The following WWOX variants were observed in gnomAD, a reference collection of about 807,000 sequenced individuals.
The protein encoded by WWOX is WW domain containing oxidoreductase.
A neutral mutation model predicts 46.2 loss-of-function variants in WWOX; 69 were observed. That is an observed-to-expected ratio of 1.49 (90% CI 1.23 to 1.82). WWOX has a LOEUF of 1.82. Among genes scored for constraint, WWOX ranks in the 40% most tolerant of loss-of-function variants. The probability of loss-of-function intolerance (pLI) is 0.00; values close to 1 mark genes in which losing one functional copy is unlikely to be tolerated. For missense variants in WWOX, 919 were observed against 542.6 expected, an observed-to-expected ratio of 1.69 and a Z score of -6.89; for synonymous variants, 359 against 202.6, an observed-to-expected ratio of 1.77 and a Z score of -6.56.
At chr16:78,386,613 A>G (rs1246237740) in intron 5 of WWOX, among the ~76,000 whole-genome samples, 3 of 151,076 alleles carry the variant, frequency 2.0e-5, no homozygotes, top group Non-Finnish European at 4.4e-5. Flanking sequence ...GCTGAAACAC[A>G]GCACAACCCA....
intron 8 of WWOX, among the ~76,000 whole-genome samples, chr16:78,953,687 G>A (rs2151304684): frequency 6.6e-6 from 1 of 152,278 alleles, no homozygotes; most frequent in Non-Finnish European, 1.5e-5. Flanking sequence ...TCGGTAGGCA[G>A]TGACAGAAGA....
rs548033030 is a variant in WWOX, at chr16:78,675,876, G to T, written c.1056+243124G>T. Among the ~76,000 whole-genome samples, 479 of 151,988 alleles carry T rather than the reference G, an allele frequency of 3.2e-3. 2 individuals carry two copies. Among genetic ancestry groups the T allele is most frequent in the African/African-American group, 0.011 (448 of 41,452 alleles). On this transcript the variant is annotated intron_variant, in intron 8 of 8. Coordinates refer to ENST00000566780, the MANE Select transcript of WWOX (RefSeq NM_016373.4). ...CATGACTTTTCTGATCATACCTGTG[G>T]CATACTCATTATAGAAAATTTGGAA...
At chr16:78,855,208 G>C (rs996737067) in intron 8 of WWOX, among the ~76,000 whole-genome samples, 11 of 152,072 alleles carry the variant, frequency 7.2e-5, no homozygotes, top group Non-Finnish European at 1.0e-4. Flanking sequence ...ATTAATACAG[G>C]TTTGACCTAC....
chr16:78,961,477 A>G (rs937337575), intron 8 of WWOX, among the ~76,000 whole-genome samples: 4 of 151,816 alleles, frequency 2.6e-5, no homozygotes, highest in Non-Finnish European at 4.4e-5. Flanking sequence ...GGATGGATGG[A>G]TGGATAGGTA....
At chr16:78,773,854 G>A (rs1052538885) in intron 8 of WWOX, among the ~76,000 whole-genome samples, 2 of 152,162 alleles carry the variant, frequency 1.3e-5, no homozygotes, top group African/African-American at 4.8e-5. Flanking sequence ...AACGATTATT[G>A]TATTTAACTT....
At chr16:78,971,884 C>T (rs1432016718) in intron 8 of WWOX, among the ~76,000 whole-genome samples, 1 of 152,134 alleles carries the variant, frequency 6.6e-6, no homozygotes, top group Non-Finnish European at 1.5e-5. Context: ...TCCTCATCAG[C>T]AGAATCGGGA....
Position 78,166,544 on chromosome 16 carries a change from T to C in WWOX, c.516+2255T>C, listed in dbSNP as rs181017315. Among the ~76,000 whole-genome samples the C allele has an allele frequency of 1.2e-3, 184 of 151,742 alleles. 2 individuals carry two copies. The East Asian group carries it at 0.02, about 16-fold the overall frequency. The stretch of plus-strand genomic sequence containing the variant: ...ACAGTTCCCGAGTCATTTTCTTTTT[T>C]CTTTTTTTTCTTTTTCTTTTTTATT... On this transcript the variant is annotated intron_variant, in intron 5 of 8. Coordinates refer to ENST00000566780, the MANE Select transcript of WWOX (RefSeq NM_016373.4).
At chr16:78,304,414 G>A (rs2080096224) in intron 5 of WWOX, among the ~76,000 whole-genome samples, 1 of 152,192 alleles carries the variant, frequency 6.6e-6, no homozygotes, top group African/African-American at 2.4e-5. Context: ...GTTGCCTTCT[G>A]CAGAGGCTTC....
chr16:78,839,198 A>G (rs908755879), intron 8 of WWOX, among the ~76,000 whole-genome samples: 1 of 152,156 alleles, frequency 6.6e-6, no homozygotes, highest in Admixed American at 6.5e-5. Context: ...GTAAATTCAA[A>G]TCACCCACGA....
chr16:78,774,675 C>A (rs1248786532), intron 8 of WWOX, among the ~76,000 whole-genome samples: 1 of 151,934 alleles, frequency 6.6e-6, no homozygotes, highest in African/African-American at 2.4e-5. Context: ...CCTTGAAAGA[C>A]TCATTGTCTG....
At chr16:78,524,758 A>G (rs1337782178) in intron 8 of WWOX, among the ~76,000 whole-genome samples, 2 of 150,078 alleles carry the variant, frequency 1.3e-5, no homozygotes, top group Non-Finnish European at 3.0e-5. Context: ...TAGCATTGTG[A>G]TAAATAATAT....
chr16:78,384,995 GT>G, intron 5 of WWOX, among the ~76,000 whole-genome samples: 1 of 152,254 alleles, frequency 6.6e-6, no homozygotes, highest in East Asian at 1.9e-4. Context: ...TAAGCTGGGT[GT>G]GTTGGCACGC....
chr16:79,024,546 G>C (rs551389253), intron 8 of WWOX, among the ~76,000 whole-genome samples: 5 of 152,040 alleles, frequency 3.3e-5, no homozygotes, highest in African/African-American at 1.2e-4. Context: ...CCATTCTCCT[G>C]CCTCAGCCTC....
At chr16:78,414,319 A>G (rs1386758757) in intron 6 of WWOX, among the ~76,000 whole-genome samples, 1 of 152,170 alleles carries the variant, frequency 6.6e-6, no homozygotes, top group African/African-American at 2.4e-5. Context: ...GTCTCTTCAC[A>G]TGGACACGTG....
At chr16:79,073,149 CGTTATT>C (rs1567531079) in intron 8 of WWOX, among the ~76,000 whole-genome samples, 2 of 92,606 alleles carry the variant, frequency 2.2e-5, no homozygotes, top group African/African-American at 8.3e-5. Context: ...AGTAGTTATT[CGTTATT>C]ATTATTATTA....
chr16:78,434,125 G>A (rs2083286062), intron 8 of WWOX, among the ~76,000 whole-genome samples: 1 of 152,150 alleles, frequency 6.6e-6, no homozygotes, highest in Admixed American at 6.5e-5. Flanking sequence ...AAAGTCTTTT[G>A]AAGTGCTTAG....
At chr16:78,656,245 G>A (rs115283117) in intron 8 of WWOX, among the ~76,000 whole-genome samples, 2,884 of 152,104 alleles carry the variant, frequency 0.019, 73 homozygotes, top group African/African-American at 0.066. Context: ...ATCATCCTTC[G>A]GTGGTAGATC....
In WWOX at chr16:78,299,233, C is replaced by G. The variant is rs143368452; in HGVS notation, c.517-87627C>G. On this transcript the variant is annotated intron_variant, in intron 5 of 8. Transcript: ENST00000566780. Reference sequence around the variant, plus strand: ...GGCTATTACTCAGTGGGTGCCGTAACATGTCTGTGTCACCTGGCACCTTTT... The same window carrying G: ...GGCTATTACTCAGTGGGTGCCGTAAGATGTCTGTGTCACCTGGCACCTTTT... Among the ~76,000 whole-genome samples the G allele has an allele frequency of 5.9e-5, 9 of 152,288 alleles. No homozygotes were observed. In the East Asian group the frequency reaches 1.5e-3, roughly 26 times the overall value.
At chr16:78,288,213 A>G (rs1175786486) in intron 5 of WWOX, among the ~76,000 whole-genome samples, 10 of 152,010 alleles carry the variant, frequency 6.6e-5, no homozygotes. Context: ...GTGAAACATG[A>G]ACAATATATG....
Sources: gnomAD v4.1 joint callset for allele counts (sites outside exome capture counted in the v4.1 genomes callset) on GRCh38, gnomAD v4.1.1 for gene constraint, MANE v1.5 for transcripts, NCBI Gene and HGNC (gene_info 2026-07-23, HGNC 2026-07-21) for gene names.